SPAG17: variants seen among roughly 807,000 people sequenced by gnomAD.
SPAG17 encodes the protein sperm-associated antigen 17.
SPAG17 carries 169 observed loss-of-function variants against 273.6 expected under a neutral mutation model. The ratio of observed to expected loss-of-function variants is 0.62; its 90% CI spans 0.55 to 0.70. The LOEUF is 0.70. SPAG17 is among the 30% of genes least tolerant of loss of function. SPAG17 has a pLI of 0.00. For missense variants in SPAG17, 2,557 were observed against 2,627.8 expected (o/e 0.97, Z 0.59); for synonymous variants, 825 against 873.2 (o/e 0.94, Z 0.97).
intron 20 of SPAG17, among the ~76,000 whole-genome samples, chr1:118,044,799 C>G (rs1184831297): frequency 1.3e-5 from 2 of 152,118 alleles, no homozygotes; most frequent in Non-Finnish European, 2.9e-5. Flanking sequence ...TCCTCCCGCT[C>G]TAGTCATGGA....
intron 1 of SPAG17, among the ~76,000 whole-genome samples, chr1:118,180,389 A>G (rs1243879863): frequency 6.6e-6 from 1 of 152,098 alleles, no homozygotes; most frequent in Non-Finnish European, 1.5e-5. Context: ...GAAATAAAAA[A>G]GTAGATCTCA....
At chr1:118,037,602 T>C (rs1182445932) in intron 23 of SPAG17, among the ~76,000 whole-genome samples, 1 of 152,220 alleles carries the variant, frequency 6.6e-6, no homozygotes, top group Non-Finnish European at 1.5e-5. Flanking sequence ...AAATGCAGCA[T>C]TTGTTTTTCT....
In SPAG17 at chr1:118,029,198, T is replaced by C. The variant is rs143318845; in HGVS notation, c.3610-804A>G. ...CCAGGAGTTTGAGCCCACACTACCA[T>C]ACTCCAGCCTGAGTGACAGAGCAAG... On this transcript the variant is annotated intron_variant, in intron 25 of 48. Coordinates refer to ENST00000336338, the MANE Select transcript of SPAG17 (RefSeq NM_206996.4). Among the ~76,000 whole-genome samples the C allele has an allele frequency of 4.1e-4, 62 of 152,228 alleles. No individual in the cohort carries two copies. The East Asian group carries it at 0.011, about 28-fold the overall frequency.
At chr1:118,049,546 C>T (rs1051735830) in intron 20 of SPAG17, among the ~76,000 whole-genome samples, 3 of 152,114 alleles carry the variant, frequency 2.0e-5, no homozygotes, top group Non-Finnish European at 4.4e-5. Context: ...AAACTCTCAA[C>T]AAAGTAGATA....
intron 32 of SPAG17, among the ~76,000 whole-genome samples, chr1:117,999,278 G>A (rs190088033): frequency 4.3e-4 from 65 of 152,014 alleles, no homozygotes; most frequent in African/African-American, 1.3e-3. Context: ...TTAATAGTGC[G>A]GCAGTAAACA....
Position 118,039,783 on chromosome 1 carries a change from C to T in SPAG17, c.3167-339G>A, listed in dbSNP as rs1426840842. On this transcript the variant is annotated intron_variant, in intron 22 of 48. Coordinates refer to ENST00000336338, the MANE Select transcript of SPAG17 (RefSeq NM_206996.4). ...CCAACCTGAATAGATATCCCTGAAA[C>T]GAAAATAAAAAGGCAGCATAGAATA... Among the ~76,000 whole-genome samples, 11 of 151,946 alleles carry T rather than the reference C, an allele frequency of 7.2e-5. No homozygotes were observed. In the East Asian group the frequency reaches 7.7e-4, roughly 11 times the overall value.
Position 117,984,702 on chromosome 1 carries a change from T to C in SPAG17, c.5750A>G (p.Asn1917Ser). 1 of 1,603,878 alleles carries C rather than the reference T, an allele frequency of 6.2e-7. No homozygotes were observed. Among genetic ancestry groups the C allele is most frequent in the Non-Finnish European group, 8.5e-7 (1 of 1,171,478 alleles). ...AATTACCTGAGACTGATATAACTGG[T>C]TCAATTCAGATTTAAAAAAGGGTGG... ...IIPPFFKSEL[N>S]QLYQSQYNHL... The change falls in exon 41 of 49, where the codon AAC becomes AGC. Residue 1917 changes from asparagine (N) to serine (S), a missense_variant. Transcript: ENST00000336338.
intron 43 of SPAG17, among the ~76,000 whole-genome samples, chr1:117,976,629 T>C (rs1655170130): frequency 6.6e-6 from 1 of 152,162 alleles, no homozygotes; most frequent in Non-Finnish European, 1.5e-5. Flanking sequence ...GGTGGCTCCT[T>C]GGCTCCCACA....
chr1:118,131,547 T>C (rs765122601), intron 3 of SPAG17, among the ~76,000 whole-genome samples: 1 of 152,238 alleles, frequency 6.6e-6, no homozygotes, highest in Non-Finnish European at 1.5e-5. Context: ...TGCCAGGATA[T>C]TGGCTTTTAT....
intron 3 of SPAG17, among the ~76,000 whole-genome samples, chr1:118,123,632 G>T (rs1417802375): frequency 6.6e-6 from 1 of 152,136 alleles, no homozygotes; most frequent in Non-Finnish European, 1.5e-5. Flanking sequence ...ATTTTCAGCT[G>T]TCCATAATTA....
intron 45 of SPAG17, 45 bp downstream of exon 45, chr1:117,971,818 G>A: frequency 6.5e-7 from 1 of 1,537,666 alleles, no homozygotes; most frequent in South Asian, 1.2e-5. Flanking sequence ...AAGTCACAGG[G>A]TAGGGAAAGG....
At chr1:118,158,520 C>T (rs1659765180) in intron 1 of SPAG17, among the ~76,000 whole-genome samples, 1 of 152,144 alleles carries the variant, frequency 6.6e-6, no homozygotes, top group Non-Finnish European at 1.5e-5. Context: ...CAATTTTGGG[C>T]ATCAAGGTCT....
At position 118,023,333 on chromosome 1, in the gene SPAG17, A is replaced by G. The variant is rs778797363; in HGVS notation, c.4040T>C (p.Ile1347Thr). ...CTTTGTGTTGGTAATCTCAGATGGTATCGTTTCTGATTTCTGCTGAGAAAT... is the reference window on the plus strand; with the variant it reads ...CTTTGTGTTGGTAATCTCAGATGGTGTCGTTTCTGATTTCTGCTGAGAAAT... ...DSISQQKSET[I>T]PSEITNTKKG... The change falls in exon 28 of 49, where the codon ATA becomes ACA. Residue 1347 changes from isoleucine to threonine, a missense_variant. Coordinates refer to ENST00000336338, the MANE Select transcript of SPAG17 (RefSeq NM_206996.4). The G allele has an allele frequency of 1.2e-6, 2 of 1,611,636 alleles. No individual in the cohort carries two copies. The highest frequency in any genetic ancestry group is 2.2e-5 in the South Asian group (2 of 90,760).
chr1:117,974,245 G>T (rs1260907580), intron 43 of SPAG17, among the ~76,000 whole-genome samples: 1 of 152,088 alleles, frequency 6.6e-6, no homozygotes, highest in Admixed American at 6.6e-5. Flanking sequence ...TATTTAAAAG[G>T]AGAAAAGTCT....
chr1:117,990,295 T>C (rs1256974436), intron 38 of SPAG17, among the ~76,000 whole-genome samples: 3 of 152,212 alleles, frequency 2.0e-5, no homozygotes, highest in Non-Finnish European at 4.4e-5. Flanking sequence ...TTTATGATCT[T>C]TGCCATATCG....
intron 10 of SPAG17, among the ~76,000 whole-genome samples, chr1:118,087,336 T>C (rs1655077074): frequency 6.6e-6 from 1 of 152,248 alleles, no homozygotes; most frequent in Admixed American, 6.5e-5. Context: ...ATTTACTCTA[T>C]CTTAAAGCAG....
intron 20 of SPAG17, among the ~76,000 whole-genome samples, chr1:118,051,816 A>G (rs1651057160): frequency 7.1e-6 from 1 of 140,200 alleles, no homozygotes; most frequent in Non-Finnish European, 1.5e-5. Flanking sequence ...ATACTATTAT[A>G]ATATATGAAC....
At chr1:118,037,374 G>T (rs749720591) in intron 23 of SPAG17, among the ~76,000 whole-genome samples, 1 of 151,970 alleles carries the variant, frequency 6.6e-6, no homozygotes, top group Non-Finnish European at 1.5e-5. Context: ...TTAGGTTTAG[G>T]GGGTACCTGT....
intron 32 of SPAG17, among the ~76,000 whole-genome samples, chr1:118,003,470 A>G (rs778423702): frequency 3.0e-4 from 45 of 152,342 alleles, no homozygotes; most frequent in Middle Eastern, 3.4e-3. Flanking sequence ...AGTCAAACAT[A>G]GATTTCATCT....
Sources: gnomAD v4.1 joint callset for allele counts (sites outside exome capture counted in the v4.1 genomes callset) on GRCh38, gnomAD v4.1.1 for gene constraint, MANE v1.5 for transcripts, NCBI Gene and HGNC (gene_info 2026-07-23, HGNC 2026-07-21) for gene names.